SHISA6: variants seen among roughly 807,000 people sequenced by gnomAD.
The protein encoded by SHISA6 is protein shisa-6.
In SHISA6, 22 loss-of-function variants were observed where a neutral mutation model predicts 47.9. That is an observed-to-expected ratio of 0.46 (90% CI 0.33 to 0.66). SHISA6 has a LOEUF of 0.66. SHISA6 is among the 30% of genes least tolerant of loss of function. The pLI, the probability that SHISA6 is intolerant of heterozygous loss-of-function variation, is 0.02. For missense variants in SHISA6, 680 were observed against 764.6 expected, an observed-to-expected ratio of 0.89 and a Z score of 1.30; for synonymous variants, 388 against 337.8, an observed-to-expected ratio of 1.15 and a Z score of -1.63.
At position 11,242,023 on chromosome 17, in the gene SHISA6, A is replaced by G; in HGVS notation, c.601A>G (p.Lys201Glu). 6.4e-7 allele frequency: 1 copy of G among 1,550,926 alleles called. No homozygotes were observed. The highest frequency in any genetic ancestry group is 1.2e-5 in the South Asian group (1 of 84,060). Residue 201 changes from lysine to glutamate, a missense_variant, in exon 1 of 6, where the codon AAG (lysine) becomes GAG (glutamate). By Grantham distance (56) the Lys-to-Glu change is moderately conservative (BLOSUM62 1). Around this residue, in one of 2 missense-constraint regions of SHISA6, gnomAD observed 559 missense variants for 674.1 expected, o/e 0.83. Transcript: ENST00000441885. ...CGTCTTCGCCAAGGTCTCCTACGAC[A>G]AGGCCCACCGCCCTCCACGGGAGAT... is the stretch of plus-strand genomic sequence containing the variant. ...AGVFAKVSYDKAHRPPREMNI... is the reference protein window; with the variant it reads ...AGVFAKVSYDEAHRPPREMNI...
rs148422849 is a variant in SHISA6, at chr17:11,368,916, A to G, written c.800-10498A>G. Among the ~76,000 whole-genome samples, 1,402 of 152,248 alleles carry G rather than the reference A, an allele frequency of 9.2e-3. 20 individuals are homozygous for G. The highest frequency in any genetic ancestry group is 0.079 in the East Asian group (410 of 5,166). The stretch of plus-strand genomic sequence containing the variant: ...GTGATCCGCCCACCTCAGCCTCCCA[A>G]AGTGCTGGGATTACAGGCATGGGCC... On this transcript the variant is annotated intron_variant, in intron 2 of 5. Coordinates refer to ENST00000441885, the MANE Select transcript of SHISA6 (RefSeq NM_207386.4).
At chr17:11,498,051 C>G (rs2071422779) in intron 3 of SHISA6, among the ~76,000 whole-genome samples, 1 of 152,168 alleles carries the variant, frequency 6.6e-6, no homozygotes, top group Non-Finnish European at 1.5e-5. Context: ...GGAGTGGGAA[C>G]TGGGGGAATG....
intron 3 of SHISA6, among the ~76,000 whole-genome samples, chr17:11,441,456 G>A (rs2969183): frequency 0.022 from 3,283 of 152,282 alleles, 97 homozygotes; most frequent in African/African-American, 0.068. Context: ...TCTCCATCAG[G>A]AATGAAATGC....
chr17:11,320,697 C>T (rs568404536), intron 2 of SHISA6, among the ~76,000 whole-genome samples: 2 of 151,292 alleles, frequency 1.3e-5, no homozygotes, highest in South Asian at 4.2e-4. Context: ...GAGAAGAAAC[C>T]AAGGAGGAGG....
intron 1 of SHISA6, among the ~76,000 whole-genome samples, chr17:11,257,524 G>T (rs753578094): frequency 1.3e-5 from 2 of 151,978 alleles, no homozygotes; most frequent in Non-Finnish European, 2.9e-5. Context: ...AGCTGGGTGT[G>T]GTGGTGCTTG....
At chr17:11,288,494 G>T (rs1909403302) in intron 2 of SHISA6, 1 of 151,656 alleles carries the variant, frequency 6.6e-6, no homozygotes, top group South Asian at 2.1e-4. Context: ...ATTAATTCTT[G>T]TAGTCTGCCT....
At position 11,537,408 on chromosome 17, in the gene SHISA6, C is replaced by T. The variant is rs371527495; in HGVS notation, c.896-14488C>T. 3.9e-5 allele frequency among the ~76,000 whole-genome samples: 6 copies of T among 152,122 alleles called. No homozygotes were observed. In the South Asian group the frequency reaches 6.3e-4, roughly 16 times the overall value. On this transcript the variant is annotated intron_variant, in intron 3 of 5. Transcript: ENST00000441885. Reference sequence around the variant, plus strand: ...CAAGAGTCAAAGGCCTGCCTCTGTGCATTGACTTTTTCATGCCACCAAGAT... The same window carrying T: ...CAAGAGTCAAAGGCCTGCCTCTGTGTATTGACTTTTTCATGCCACCAAGAT...
chr17:11,310,643 G>A (rs1012400617), intron 2 of SHISA6, among the ~76,000 whole-genome samples: 1 of 152,070 alleles, frequency 6.6e-6, no homozygotes, highest in Admixed American at 6.5e-5. Flanking sequence ...AGAGGGTTAG[G>A]GGCAAGGAAC....
intron 2 of SHISA6, among the ~76,000 whole-genome samples, chr17:11,351,142 G>C (rs987045155): frequency 6.6e-6 from 1 of 152,112 alleles, no homozygotes; most frequent in East Asian, 1.9e-4. Context: ...GGCCTGTTGG[G>C]GGGTGGGGAA....
rs57626306 is a variant in SHISA6, at chr17:11,370,406, A to G, written c.800-9008A>G. On this transcript the variant is annotated intron_variant, in intron 2 of 5. Transcript: ENST00000441885. ...TGGTCTCAGCTGGAGACGTCCATGG[A>G]TCCCATATTTACGTTTTTGTTTGTT... Among the ~76,000 whole-genome samples the G allele has an allele frequency of 8.1e-3, 1,228 of 152,228 alleles. 25 individuals are homozygous for G. Among genetic ancestry groups the G allele is most frequent in the African/African-American group, 0.028 (1,145 of 41,538 alleles).
rs557808534 is a variant in SHISA6 at position 11,339,002 on chromosome 17, C to G, written c.800-40412C>G. Among the ~76,000 whole-genome samples the G allele has an allele frequency of 3.3e-5, 5 of 150,992 alleles. No individual in the cohort carries two copies. In the East Asian group the frequency reaches 7.8e-4, roughly 24 times the overall value. The stretch of plus-strand genomic sequence containing the variant: ...ACATAATGTTTAAAATATGGAAAAA[C>G]AAGGAGTGTTCTATGTGCCCAGCAA... On this transcript the variant is annotated intron_variant, in intron 2 of 5. Coordinates refer to ENST00000441885, the MANE Select transcript of SHISA6 (RefSeq NM_207386.4).
chr17:11,355,318 A>G (rs1260577727), intron 2 of SHISA6, among the ~76,000 whole-genome samples: 1 of 152,208 alleles, frequency 6.6e-6, no homozygotes, highest in Admixed American at 6.5e-5. Context: ...ATCACATGCT[A>G]CTTCCTTGAG....
intron 3 of SHISA6, among the ~76,000 whole-genome samples, chr17:11,521,328 C>T (rs1182074451): frequency 6.6e-6 from 1 of 152,104 alleles, no homozygotes; most frequent in Non-Finnish European, 1.5e-5. Context: ...CATAAATTCC[C>T]AATATCAATT....
chr17:11,433,573 A>G (rs573577907), intron 3 of SHISA6, among the ~76,000 whole-genome samples: 1 of 152,212 alleles, frequency 6.6e-6, no homozygotes, highest in Non-Finnish European at 1.5e-5. Context: ...TGTGGAAGAC[A>G]GCATGGCGTT....
intron 3 of SHISA6, among the ~76,000 whole-genome samples, chr17:11,532,243 C>T (rs1251938535): frequency 2.0e-5 from 3 of 152,166 alleles, no homozygotes; most frequent in African/African-American, 7.2e-5. Flanking sequence ...CGGGATCTTC[C>T]CTAGGGGACA....
intron 2 of SHISA6, among the ~76,000 whole-genome samples, chr17:11,272,290 C>A (rs1369165928): frequency 2.0e-5 from 3 of 152,130 alleles, no homozygotes; most frequent in African/African-American, 7.2e-5. Flanking sequence ...GGAATGTTCT[C>A]TTTTCGTTCA....
intron 3 of SHISA6, among the ~76,000 whole-genome samples, chr17:11,429,186 C>G (rs540895536): frequency 1.3e-5 from 2 of 152,276 alleles, no homozygotes; most frequent in African/African-American, 4.8e-5. Flanking sequence ...CAGTTGTTAT[C>G]TGGACACTGC....
At chr17:11,292,711 A>C (rs1238985632) in intron 2 of SHISA6, among the ~76,000 whole-genome samples, 1 of 151,878 alleles carries the variant, frequency 6.6e-6, no homozygotes, top group Non-Finnish European at 1.5e-5. Flanking sequence ...GAAAGCAAGG[A>C]GACGAGATGA....
intron 3 of SHISA6, among the ~76,000 whole-genome samples, chr17:11,522,244 CGT>C (rs973716027): frequency 6.7e-4 from 102 of 152,118 alleles, no homozygotes; most frequent in African/African-American, 2.4e-3. Flanking sequence ...GGATTACAGG[CGT>C]GAGTCACCAT....
Sources: allele counts gnomAD v4.1 joint callset (sites outside exome capture counted in the v4.1 genomes callset), GRCh38; gene constraint gnomAD v4.1.1; regional missense constraint gnomAD v4.1.1; transcripts MANE v1.5; gene names NCBI Gene and HGNC (gene_info 2026-07-23, HGNC 2026-07-21).